Variants in SMAP2 observed in about 807,000 individuals in gnomAD.
SMAP2 encodes small ArfGAP2, also known as stromal membrane-associated protein 2.
A neutral mutation model predicts 56.4 loss-of-function variants in SMAP2; 25 were observed. The ratio of observed to expected loss-of-function variants is 0.44; its 90% CI spans 0.32 to 0.62. The LOEUF is 0.62. Among genes scored for constraint, SMAP2 ranks in the 20% least tolerant of loss-of-function variants. The probability of loss-of-function intolerance (pLI) is 0.04; values close to 1 mark genes in which losing one functional copy is unlikely to be tolerated. For missense variants in SMAP2, 388 were observed against 545.6 expected, an observed-to-expected ratio of 0.71 and a Z score of 2.88; for synonymous variants, 157 against 181.7, an observed-to-expected ratio of 0.86 and a Z score of 1.09.
intron 1 of SMAP2, chr1:40,375,607 G>C (rs1318282757): frequency 6.0e-6 from 1 of 167,044 alleles, no homozygotes; most frequent in Admixed American, 6.5e-5. Flanking sequence ...ATTTTAAAAA[G>C]TATTTTAGAA....
Position 40,416,899 on chromosome 1 carries a change from C to A in SMAP2, c.967C>A (p.Gln323Lys). ...MMPPPVGMVA[Q>K]PGASGMVAPM... The stretch of plus-strand genomic sequence containing the variant: ...GCCTCCACCAGTAGGCATGGTTGCT[C>A]AGCCAGGAGCTTCTGGGATGGTTGC... Residue 323 changes from glutamine (Q) to lysine (K), a missense_variant, in exon 9 of 10, where the codon CAG becomes AAG. Physicochemically the swap from Gln to Lys is moderately conservative, Grantham distance 53. Transcript: ENST00000372718. 6.2e-7 allele frequency: 1 copy of A among 1,614,182 alleles called. No individual in the cohort carries two copies. Among genetic ancestry groups the A allele is most frequent in the Non-Finnish European group, 8.5e-7 (1 of 1,180,024 alleles).
chr1:40,382,187 G>A (rs929304530), intron 1 of SMAP2, among the ~76,000 whole-genome samples: 5 of 152,110 alleles, frequency 3.3e-5, no homozygotes, highest in African/African-American at 1.2e-4. Context: ...GGGCACAGTT[G>A]TCTATATAAC....
chr1:40,378,397 C>T (rs1441529190), intron 1 of SMAP2, among the ~76,000 whole-genome samples: 2 of 152,196 alleles, frequency 1.3e-5, no homozygotes, highest in Non-Finnish European at 1.5e-5. Context: ...TTTGTGTCCA[C>T]TATTGGGACA....
chr1:40,416,625 G>A (rs997028976), intron 8 of SMAP2, among the ~76,000 whole-genome samples, 155 bp from the exon 9 acceptor site: 1 of 152,320 alleles, frequency 6.6e-6, no homozygotes, highest in Non-Finnish European at 1.5e-5. Flanking sequence ...GCTATAGCAG[G>A]CCTCGTAGGG....
chr1:40,408,745 T>A lies in SMAP2; in HGVS notation c.323+7T>A. On this transcript the variant is annotated splice_region_variant and intron_variant, in intron 3 of 9. Coordinates refer to ENST00000372718, the MANE Select transcript of SMAP2 (RefSeq NM_022733.3). The surrounding 1 kb of genome is among the most constrained non-coding windows in gnomAD (Gnocchi z 4.3). The stretch of plus-strand genomic sequence containing the variant: ...GGCGACCTCAGATAGACCCGTATCT[T>A]TTCTGGAGCAACTTAGAAGGCTGAG... 6.2e-7 allele frequency: 1 copy of A among 1,611,754 alleles called. No homozygotes were observed. Among genetic ancestry groups the A allele is most frequent in the Non-Finnish European group, 8.5e-7 (1 of 1,177,986 alleles).
intron 1 of SMAP2, among the ~76,000 whole-genome samples, chr1:40,350,694 C>T (rs905362608): frequency 6.6e-6 from 1 of 152,148 alleles, no homozygotes; most frequent in African/African-American, 2.4e-5. Context: ...TAGCAAGGGC[C>T]TCTTGTGTCT....
chr1:40,418,089 A>G (rs956924462), intron 9 of SMAP2, among the ~76,000 whole-genome samples: 2 of 152,384 alleles, frequency 1.3e-5, no homozygotes, highest in South Asian at 2.1e-4. Flanking sequence ...TACACAATCT[A>G]CCAATCTGAA....
rs1569897068 is a variant in SMAP2 at position 40,404,046 on chromosome 1, C to CTTGCCTTG, written c.104-2690_104-2689insTTGCCTTG. 3.3e-5 allele frequency among the ~76,000 whole-genome samples: 5 copies of CTTGCCTTG among 152,284 alleles called. No homozygotes were observed. In the East Asian group the frequency reaches 9.6e-4, roughly 29 times the overall value. ...CGAGGAGTTTGAGGTTACAGTGAAC[C>CTTGCCTTG]ATGATCTTGCCTCTGCATTCCAGCC... On this transcript the variant is annotated intron_variant, in intron 1 of 9. Transcript: ENST00000372718.
rs538016913 is a variant in SMAP2 at position 40,374,392 on chromosome 1, G to T, written c.103+169G>T. Among the ~76,000 whole-genome samples the T allele has an allele frequency of 1.8e-4, 28 of 152,228 alleles. No individual in the cohort carries two copies. In the East Asian group the frequency reaches 4.9e-3, roughly 26 times the overall value. ...TGGGCTTTCTGCAGCTGGGGGATTG[G>T]TATGGGTAGAGCTTGCGAGGGCGAG... On this transcript the variant is annotated intron_variant, in intron 1 of 9. Coordinates refer to ENST00000372718, the MANE Select transcript of SMAP2 (RefSeq NM_022733.3). This position sits in a 1 kb window ranked among gnomAD's most constrained non-coding sequence, Gnocchi z 5.9.
chr1:40,362,333 A>G (rs533145998), exon 2 of SMAP2: 1 of 152,350 alleles, frequency 6.6e-6, no homozygotes, highest in Non-Finnish European at 1.5e-5. Context: ...GATGCCATCT[A>G]TCAAAGTTGT....
chr1:40,414,318 A>G lies in SMAP2; in HGVS notation c.571+78A>G, dbSNP rs1417512902. On this transcript the variant is annotated intron_variant, in intron 6 of 9. Coordinates refer to ENST00000372718, the MANE Select transcript of SMAP2 (RefSeq NM_022733.3). ...CAGTGACCCTGGAAGATAGGTAGAG[A>G]TGGGGTTCTCCAGTTTTGTCTTCAT... The G allele has an allele frequency of 5.9e-6, 8 of 1,350,354 alleles. No individual in the cohort carries two copies. In the Admixed American group the frequency reaches 9.1e-5, roughly 15 times the overall value. The allele number at this position is 1,350,354 out of a possible 1,614,324, so 83.6% of individuals were successfully genotyped here. A position where few individuals can be genotyped will look rare whatever the true frequency, so the allele number is the denominator to read the frequency against.
chr1:40,374,624 T>TGTGTGTGAGAGA lies in SMAP2; in HGVS notation c.103+402_103+403insTGTGTGAGAGAG. ...GTGTGTGTGTGTGTGTGTGTGTGTGTGAGAGAGAGAGAGAGAGAATGACGA... is the reference window on the plus strand; with the variant it reads ...GTGTGTGTGTGTGTGTGTGTGTGTGTGTGTGTGAGAGAGAGAGAGAGAGAGAGAGAATGACGA... On this transcript the variant is annotated intron_variant, in intron 1 of 9. Transcript: ENST00000372718. This position sits in a 1 kb window ranked among gnomAD's most constrained non-coding sequence, Gnocchi z 5.9. 1.5e-6 allele frequency: 1 copy of TGTGTGTGAGAGA among 681,196 alleles called. No individual in the cohort carries two copies. Among genetic ancestry groups the TGTGTGTGAGAGA allele is most frequent in the African/African-American group, 2.0e-5 (1 of 49,602 alleles). The allele number at this position is 681,196 out of a possible 1,614,324, so 42.2% of individuals were successfully genotyped here.
intron 8 of SMAP2, 25 bp downstream of exon 8, chr1:40,416,366 A>C: frequency 1.2e-6 from 2 of 1,606,402 alleles, no homozygotes; most frequent in Middle Eastern, 3.3e-4. Context: ...TGTCATGGCC[A>C]TGTGCCAGGT....
At chr1:40,415,158 T>G in intron 6 of SMAP2, 114 bp from the exon 7 acceptor site, 1 of 766,706 alleles carries the variant, frequency 1.3e-6, no homozygotes, top group East Asian at 2.5e-5. Context: ...GTTCCAGAAG[T>G]CTAGATTTCT....
Position 40,408,797 on chromosome 1 carries a change from A to G in SMAP2, c.323+59A>G. ...GGTATTTTGATGCTTGGGGAGAGTC[A>G]GACAAGACTCCAGTCCTGTAATGTG... On this transcript the variant is annotated intron_variant, in intron 3 of 9. Transcript: ENST00000372718. This position sits in a 1 kb window ranked among gnomAD's most constrained non-coding sequence, Gnocchi z 4.3. The G allele has an allele frequency of 7.4e-7, 1 of 1,353,752 alleles. No individual in the cohort carries two copies. 83.9% of individuals were successfully genotyped at this position (1,353,752 alleles called of 1,614,324 possible).
intron 7 of SMAP2, among the ~76,000 whole-genome samples, chr1:40,415,674 A>G (rs76769962): frequency 0.02 from 3,024 of 152,292 alleles, 93 homozygotes; most frequent in African/African-American, 0.069. Flanking sequence ...CTGCCAGAAA[A>G]TTGTAGGTAG....
At chr1:40,393,691 G>A (rs377603573) in intron 1 of SMAP2, among the ~76,000 whole-genome samples, 2 of 151,878 alleles carry the variant, frequency 1.3e-5, no homozygotes, top group Non-Finnish European at 2.9e-5. Context: ...TATTACAGGC[G>A]TGAGCCACAA....
chr1:40,362,437 G>A lies in SMAP2; in HGVS notation c.55+1G>A, dbSNP rs1644463771. On this transcript the variant is annotated splice_donor_variant, in intron 2 of 6. Transcript: ENST00000435168. LOFTEE classifies it high-confidence loss of function. ...AGGAGGCAAGATTTTGAAATCTATG[G>A]TATGTGAAACTGTCTTTATTCAACA... 1 of 152,184 alleles carries A rather than the reference G, an allele frequency of 6.6e-6. No individual in the cohort carries two copies. The highest frequency in any genetic ancestry group is 1.5e-5 in the Non-Finnish European group (1 of 68,028). 9.4% of individuals were successfully genotyped at this position (152,184 alleles called of 1,614,324 possible).
At chr1:40,380,909 G>A (rs1288567816) in intron 1 of SMAP2, among the ~76,000 whole-genome samples, 5 of 152,198 alleles carry the variant, frequency 3.3e-5, no homozygotes, top group African/African-American at 1.2e-4. Flanking sequence ...GTTGTTAAAC[G>A]CCTTTCTCTA....
Sources: allele counts gnomAD v4.1 joint callset (sites outside exome capture counted in the v4.1 genomes callset), GRCh38; gene constraint gnomAD v4.1.1; non-coding constraint Gnocchi (gnomAD v3.1); transcripts MANE v1.5; gene names NCBI Gene and HGNC (gene_info 2026-07-23, HGNC 2026-07-21).